SLC71A2: variants seen among roughly 807,000 people sequenced by gnomAD.
SLC71A2 encodes the protein solute carrier family 71 member 2, also known as hippocampus abundant transcript-like 1.
chr9:94,416,652 C>T, the SLC71A2 span, among the ~76,000 whole-genome samples: 2 of 152,044 alleles, frequency 1.3e-5, no homozygotes, highest in East Asian at 3.8e-4. Context: ...GTCGGGAGTT[C>T]GAGACCAGCC....
At chr9:94,383,576 T>G in the SLC71A2 span, among the ~76,000 whole-genome samples, 1 of 152,168 alleles carries the variant, frequency 6.6e-6, no homozygotes, top group Admixed American at 6.5e-5. Context: ...TCTTGATTAC[T>G]GGAGGTTCAT....
At chr9:94,387,394 C>A in the SLC71A2 span, among the ~76,000 whole-genome samples, 1 of 151,772 alleles carries the variant, frequency 6.6e-6, no homozygotes, top group Admixed American at 6.6e-5. Flanking sequence ...TAAATTTAAT[C>A]TTCTTAATTG....
At chr9:94,450,918 A>G in the SLC71A2 span, among the ~76,000 whole-genome samples, 2 of 152,172 alleles carry the variant, frequency 1.3e-5, no homozygotes, top group African/African-American at 4.8e-5. Context: ...TAGAATCACC[A>G]TGGGAGCTTT....
the SLC71A2 span, among the ~76,000 whole-genome samples, chr9:94,435,395 T>C: frequency 6.6e-6 from 1 of 152,242 alleles, no homozygotes; most frequent in African/African-American, 2.4e-5. Flanking sequence ...TAAAGCCAGC[T>C]TCTTCACATA....
chr9:94,385,930 C>T, the SLC71A2 span, among the ~76,000 whole-genome samples: 3 of 151,998 alleles, frequency 2.0e-5, no homozygotes, highest in African/African-American at 7.3e-5. Context: ...GCTGTGTTGC[C>T]CAGGCTGGAG....
the SLC71A2 span, among the ~76,000 whole-genome samples, chr9:94,457,041 C>T: frequency 2.7e-5 from 4 of 150,702 alleles, no homozygotes; most frequent in Non-Finnish European, 5.9e-5. Context: ...ATCTTGGCTC[C>T]CTGCAGCCTC....
At chr9:94,431,658 A>G in the SLC71A2 span, among the ~76,000 whole-genome samples, 4 of 152,068 alleles carry the variant, frequency 2.6e-5, no homozygotes, top group Admixed American at 1.3e-4. Context: ...TGTTATAGGT[A>G]TAACTACAAC....
At chr9:94,452,241 T>G in the SLC71A2 span, among the ~76,000 whole-genome samples, 2 of 152,190 alleles carry the variant, frequency 1.3e-5, no homozygotes. Flanking sequence ...AATGAAAATC[T>G]GTAACTGCTT....
the SLC71A2 span, among the ~76,000 whole-genome samples, chr9:94,388,174 T>C: frequency 1.3e-5 from 2 of 152,184 alleles, no homozygotes; most frequent in African/African-American, 4.8e-5. Context: ...AAATTATTAG[T>C]CAGCCAGATA....
At chr9:94,448,800 GTT>G in the SLC71A2 span, among the ~76,000 whole-genome samples, 1 of 151,980 alleles carries the variant, frequency 6.6e-6, no homozygotes, top group Non-Finnish European at 1.5e-5. Context: ...ACCCAGCTAA[GTT>G]TTGTATTTTT....
chr9:94,418,726 C>T, the SLC71A2 span, among the ~76,000 whole-genome samples: 3 of 151,884 alleles, frequency 2.0e-5, no homozygotes, highest in Non-Finnish European at 4.4e-5. Context: ...AGGCATAAGC[C>T]ACCACACCTG....
chr9:94,446,156 C>A, the SLC71A2 span, among the ~76,000 whole-genome samples: 1 of 152,228 alleles, frequency 6.6e-6, no homozygotes, highest in African/African-American at 2.4e-5. Flanking sequence ...AAAGTCTCAA[C>A]AACATTAGCT....
chr9:94,408,469 GA>G, the SLC71A2 span, among the ~76,000 whole-genome samples: 12 of 152,204 alleles, frequency 7.9e-5, no homozygotes, highest in Admixed American at 7.9e-4. Flanking sequence ...GTCTTGGGAA[GA>G]GGTTTAATTC....
chr9:94,432,702 C>CT, the SLC71A2 span: 3 of 306,730 alleles, frequency 9.8e-6, no homozygotes, highest in African/African-American at 6.6e-5. Flanking sequence ...CTTTCCAGGA[C>CT]ACAGCCTGGA....
chr9:94,412,129 G>A, the SLC71A2 span, among the ~76,000 whole-genome samples: 2 of 152,164 alleles, frequency 1.3e-5, no homozygotes, highest in Non-Finnish European at 2.9e-5. Flanking sequence ...GTCTGATACT[G>A]AGAACTTGTG....
the SLC71A2 span, among the ~76,000 whole-genome samples, chr9:94,434,317 T>C: frequency 1.3e-5 from 2 of 152,172 alleles, no homozygotes; most frequent in Admixed American, 1.3e-4. Context: ...ATTCAAGACT[T>C]GTCTTTTTTA....
chr9:94,430,369 C>A, the SLC71A2 span, among the ~76,000 whole-genome samples: 2 of 151,954 alleles, frequency 1.3e-5, no homozygotes, highest in East Asian at 3.9e-4. Context: ...ATTTCAGGTG[C>A]CCACCACTAC....
the SLC71A2 span, among the ~76,000 whole-genome samples, chr9:94,431,526 T>TA: frequency 6.6e-6 from 1 of 151,740 alleles, no homozygotes; most frequent in African/African-American, 2.4e-5. Flanking sequence ...CTTTTTTTTT[T>TA]ATAGCTGTAT....
At chr9:94,408,948 T>TC in the SLC71A2 span, among the ~76,000 whole-genome samples, 2 of 151,066 alleles carry the variant, frequency 1.3e-5, no homozygotes, top group African/African-American at 4.9e-5. Context: ...TGCCTCAGTC[T>TC]CCCAAGTAGC....
Sources: allele counts gnomAD v4.1 joint callset (sites outside exome capture counted in the v4.1 genomes callset), GRCh38; gene constraint gnomAD v4.1.1; transcripts MANE v1.5; gene names NCBI Gene and HGNC (gene_info 2026-07-23, HGNC 2026-07-21).